NALCN: variants seen among roughly 807,000 people sequenced by gnomAD.
NALCN encodes the protein sodium leak channel NALCN.
A neutral mutation model predicts 225.3 loss-of-function variants in NALCN; 111 were observed. That is an observed-to-expected ratio of 0.49 (90% CI 0.42 to 0.58). NALCN has a LOEUF of 0.58. Among genes scored for constraint, NALCN ranks in the 20% least tolerant of loss-of-function variants. NALCN has a pLI of 0.00. For missense variants in NALCN, 1,378 were observed against 2,202.4 expected, an observed-to-expected ratio of 0.63 and a Z score of 7.49; for synonymous variants, 764 against 769.0, an observed-to-expected ratio of 0.99 and a Z score of 0.11.
At chr13:101,248,566 G>A (rs551076287) in intron 11 of NALCN, among the ~76,000 whole-genome samples, 8 of 152,194 alleles carry the variant, frequency 5.3e-5, no homozygotes, top group South Asian at 4.2e-4. Context: ...TGATTCCAGC[G>A]ATCATGCCTA....
At chr13:101,061,138 C>A (rs1484877582) in intron 41 of NALCN, among the ~76,000 whole-genome samples, 1 of 152,140 alleles carries the variant, frequency 6.6e-6, no homozygotes, top group Admixed American at 6.5e-5. Flanking sequence ...ACTGTAAATA[C>A]AGTATATGTC....
chr13:101,176,292 C>G lies in NALCN; in HGVS notation c.1839+8G>C, dbSNP rs762886809. The G allele has an allele frequency of 5.8e-6, 9 of 1,555,776 alleles. 1 individual carries two copies. The South Asian group carries it at 7.5e-5, about 13-fold the overall frequency. On this transcript the variant is annotated splice_region_variant and intron_variant, in intron 15 of 43. Transcript: ENST00000251127. Reference sequence around the variant, plus strand: ...CTTTTTAAAAAAAATCCCCCACACACTACTTACTTGTTTAAGCTTCTTTAG... The same window carrying G: ...CTTTTTAAAAAAAATCCCCCACACAGTACTTACTTGTTTAAGCTTCTTTAG...
intron 7 of NALCN, among the ~76,000 whole-genome samples, chr13:101,305,383 AC>A (rs1408612683): frequency 6.6e-6 from 1 of 152,240 alleles, no homozygotes; most frequent in African/African-American, 2.4e-5. Context: ...TGCCTAATGG[AC>A]GCTTATAAAA....
chr13:101,082,937 G>C (rs980806754), intron 32 of NALCN, 54 bp from the exon 33 acceptor site: 25 of 1,603,368 alleles, frequency 1.6e-5, no homozygotes, highest in East Asian at 6.7e-5. Flanking sequence ...ACACATACAG[G>C]CTTGCCCCTC....
chr13:101,124,527 A>G, intron 18 of NALCN, 81 bp downstream of exon 18: 1 of 1,199,920 alleles, frequency 8.3e-7, no homozygotes, highest in Non-Finnish European at 1.2e-6. Context: ...CCAGAACATT[A>G]ATTCATTTTT....
At chr13:101,101,819 A>G (rs2139602078) in intron 26 of NALCN, among the ~76,000 whole-genome samples, 1 of 152,294 alleles carries the variant, frequency 6.6e-6, no homozygotes, top group Middle Eastern at 3.4e-3. Flanking sequence ...CTGGTTGAAT[A>G]ACCTAAACAT....
chr13:101,327,190 G>C (rs2044987201), intron 7 of NALCN, among the ~76,000 whole-genome samples: 1 of 152,110 alleles, frequency 6.6e-6, no homozygotes, highest in Non-Finnish European at 1.5e-5. Flanking sequence ...ACTAGAGAAA[G>C]TAATCAGTGG....
intron 15 of NALCN, among the ~76,000 whole-genome samples, chr13:101,166,281 A>G (rs918487684): frequency 6.6e-6 from 1 of 152,180 alleles, no homozygotes; most frequent in Non-Finnish European, 1.5e-5. Flanking sequence ...ATATTTTATC[A>G]TATGATCATG....
chr13:101,142,983 G>A lies in NALCN; in HGVS notation c.2118+97C>T, dbSNP rs767102717. ...ATCATTTTATTTTCATTATTCTCTTGAGAAATTGGATTCCAGGACCCTAAA... is the reference window on the plus strand; with the variant it reads ...ATCATTTTATTTTCATTATTCTCTTAAGAAATTGGATTCCAGGACCCTAAA... On this transcript the variant is annotated intron_variant, in intron 17 of 43. Coordinates refer to ENST00000251127, the MANE Select transcript of NALCN (RefSeq NM_052867.4). 7 of 1,402,160 alleles carry A rather than the reference G, an allele frequency of 5.0e-6. No individual in the cohort carries two copies. The East Asian group carries it at 1.4e-4, about 27-fold the overall frequency. 86.9% of individuals were successfully genotyped at this position (1,402,160 alleles called of 1,614,324 possible). A position where few individuals can be genotyped will look rare whatever the true frequency, so the allele number is the denominator to read the frequency against.
At chr13:101,259,730 G>T (rs2042354815) in intron 10 of NALCN, among the ~76,000 whole-genome samples, 1 of 30,382 alleles carries the variant, frequency 3.3e-5, no homozygotes, top group African/African-American at 4.7e-5. Flanking sequence ...TACATAGTAA[G>T]TGTATATATA....
chr13:101,105,923 T>G (rs1275842883), intron 22 of NALCN, among the ~76,000 whole-genome samples: 1 of 152,162 alleles, frequency 6.6e-6, no homozygotes, highest in Non-Finnish European at 1.5e-5. Context: ...CTTCCATCCC[T>G]GAAATGTTAT....
At chr13:101,406,522 C>G (rs2047630086) in intron 1 of NALCN, among the ~76,000 whole-genome samples, 1 of 152,068 alleles carries the variant, frequency 6.6e-6, no homozygotes, top group South Asian at 2.1e-4. Flanking sequence ...AATCATATAG[C>G]CTGGTGTTTA....
Position 101,346,040 on chromosome 13 carries a change from T to A in NALCN, c.645-620A>T, listed in dbSNP as rs745921847. On this transcript the variant is annotated intron_variant, in intron 6 of 43. Coordinates refer to ENST00000251127, the MANE Select transcript of NALCN (RefSeq NM_052867.4). ...ACTGTGGTAATTGGTAATATATATATGAGACCTTGAGAGACTTTCTCTCTC... is the reference window on the plus strand; with the variant it reads ...ACTGTGGTAATTGGTAATATATATAAGAGACCTTGAGAGACTTTCTCTCTC... Among the ~76,000 whole-genome samples the A allele has an allele frequency of 7.2e-4, 100 of 138,832 alleles. 1 individual carries two copies. The highest frequency in any genetic ancestry group is 1.3e-3 in the Non-Finnish European group (83 of 64,868). The allele number at this position is 138,832 out of a possible 152,430, so 91.1% of individuals were successfully genotyped here. A position where few individuals can be genotyped will look rare whatever the true frequency, so the allele number is the denominator to read the frequency against.
intron 14 of NALCN, among the ~76,000 whole-genome samples, chr13:101,184,022 T>C (rs1378094701): frequency 6.6e-6 from 1 of 152,216 alleles, no homozygotes; most frequent in African/African-American, 2.4e-5. Flanking sequence ...AACACAGCAT[T>C]TGTCCTACTG....
At chr13:101,143,505 C>T (rs1393324132) in intron 16 of NALCN, among the ~76,000 whole-genome samples, 1 of 150,174 alleles carries the variant, frequency 6.7e-6, no homozygotes, top group Non-Finnish European at 1.5e-5. Flanking sequence ...ACTCTTGTTG[C>T]CCAGGCTGGA....
chr13:101,060,377 C>T (rs1224680366), intron 41 of NALCN, among the ~76,000 whole-genome samples: 1 of 140,166 alleles, frequency 7.1e-6, no homozygotes, highest in Non-Finnish European at 1.5e-5. Flanking sequence ...CTCCTAGGCT[C>T]AAGCTATGCT....
intron 13 of NALCN, among the ~76,000 whole-genome samples, chr13:101,218,507 C>T (rs1318561637): frequency 1.3e-5 from 2 of 152,054 alleles, no homozygotes; most frequent in African/African-American, 2.4e-5. Flanking sequence ...GCCATATCCC[C>T]GTGTCATACA....
chr13:101,386,617 A>G (rs1267143514), intron 3 of NALCN, among the ~76,000 whole-genome samples: 1 of 151,956 alleles, frequency 6.6e-6, no homozygotes, highest in Non-Finnish European at 1.5e-5. Flanking sequence ...ATTTTAATAT[A>G]TTTGGCAAAT....
intron 15 of NALCN, among the ~76,000 whole-genome samples, chr13:101,158,365 T>C (rs543619370): frequency 1.3e-5 from 2 of 152,374 alleles, no homozygotes; most frequent in African/African-American, 4.8e-5. Flanking sequence ...TGGCTTGGCC[T>C]CTGCCTGTGC....
Sources: allele counts gnomAD v4.1 joint callset (sites outside exome capture counted in the v4.1 genomes callset), GRCh38; gene constraint gnomAD v4.1.1; transcripts MANE v1.5; gene names NCBI Gene and HGNC (gene_info 2026-07-23, HGNC 2026-07-21).